CHURC1: variants seen among roughly 807,000 people sequenced by gnomAD.
The protein encoded by CHURC1 is protein Churchill.
A neutral mutation model predicts 15.4 loss-of-function variants in CHURC1; 12 were observed. The ratio of observed to expected loss-of-function variants is 0.78; its 90% CI spans 0.50 to 1.27. CHURC1 has a LOEUF of 1.27. Among genes scored for constraint, CHURC1 ranks in the 50% most tolerant of loss-of-function variants. The pLI is 0.00. For synonymous variants in CHURC1, 42 were observed against 47.5 expected, an observed-to-expected ratio of 0.88 and a Z score of 0.48; for missense variants, 132 against 137.8, an observed-to-expected ratio of 0.96 and a Z score of 0.21.
chr14:64,931,647 A>G (rs1006869484), intron 3 of CHURC1, among the ~76,000 whole-genome samples: 1 of 152,246 alleles, frequency 6.6e-6, no homozygotes, highest in African/African-American at 2.4e-5. Context: ...AAATGGATCA[A>G]ATTCCCAGAC....
Position 64,914,520 on chromosome 14 carries a change from G to A in CHURC1, c.25G>A (p.Glu9Lys), listed in dbSNP as rs753963999. Residue 9 changes from glutamate to lysine, a missense_variant, in exon 1 of 4, where the codon GAA (glutamate) becomes AAA (lysine). Transcript: ENST00000549115. ...GATGTGTGGCGACTGTGTGGAGAAG[G>A]AATATCCCAACCGGGTGAGCGACTG... Reference protein sequence around the residue: MCGDCVEKEYPNRGNTCLE... With the variant: MCGDCVEKKYPNRGNTCLE... 1 of 1,614,264 alleles carries A rather than the reference G, an allele frequency of 6.2e-7. No individual in the cohort carries two copies. Among genetic ancestry groups the A allele is most frequent in the Middle Eastern group, 1.6e-4 (1 of 6,062 alleles).
At chr14:64,927,777 T>C (rs1423366922) in intron 3 of CHURC1, among the ~76,000 whole-genome samples, 1 of 135,434 alleles carries the variant, frequency 7.4e-6, no homozygotes, top group Non-Finnish European at 1.5e-5. Context: ...TTTCTTAAAA[T>C]AATGTTTTCA....
intron 3 of CHURC1, among the ~76,000 whole-genome samples, chr14:64,928,694 T>G (rs1320436741): frequency 2.0e-5 from 3 of 151,960 alleles, no homozygotes; most frequent in African/African-American, 7.3e-5. Flanking sequence ...CTTAGTTCTT[T>G]TCTCTCTTAC....
intron 3 of CHURC1, among the ~76,000 whole-genome samples, chr14:64,927,477 G>A (rs1054338706): frequency 3.3e-5 from 5 of 152,094 alleles, no homozygotes; most frequent in Admixed American, 6.6e-5. Context: ...GCTCCTGAAC[G>A]GATATTGAGG....
In CHURC1 at chr14:64,934,986, G is replaced by C; in HGVS notation, c.*2756G>C. 4.1e-6 allele frequency: 4 copies of C among 984,368 alleles called. No individual in the cohort carries two copies. The highest frequency in any genetic ancestry group is 4.8e-6 in the Non-Finnish European group (4 of 829,042). The allele number at this position is 984,368 out of a possible 1,614,324, so 61.0% of individuals were successfully genotyped here. A position where few individuals can be genotyped will look rare whatever the true frequency, so the allele number is the denominator to read the frequency against. ...TATGTGGATCTAATAACGACCACTT[G>C]AACCCAGTTTCACAGAATCCTTATT... is the stretch of plus-strand genomic sequence containing the variant. On this transcript the variant is annotated 3_prime_UTR_variant, in exon 4 of 4. Coordinates refer to ENST00000549115, the MANE Select transcript of CHURC1 (RefSeq NM_001386928.1).
At chr14:64,928,850 C>T (rs539404763) in intron 3 of CHURC1, among the ~76,000 whole-genome samples, 4 of 152,220 alleles carry the variant, frequency 2.6e-5, no homozygotes, top group South Asian at 4.1e-4. Context: ...CCTGTTTTCT[C>T]GAAGTGATAC....
intron 3 of CHURC1, among the ~76,000 whole-genome samples, chr14:64,929,956 CA>C: frequency 6.6e-6 from 1 of 151,056 alleles, no homozygotes; most frequent in African/African-American, 2.4e-5. Flanking sequence ...CCCACACACA[CA>C]CCAAAATTGT....
chr14:64,929,568 CATTGTTGTTTTA>C (rs1884958998), intron 3 of CHURC1, among the ~76,000 whole-genome samples: 1 of 152,178 alleles, frequency 6.6e-6, no homozygotes, highest in Non-Finnish European at 1.5e-5. Context: ...TCCCAGCCAC[CATTGTTGTTTTA>C]TATTAAACAT....
chr14:64,928,759 C>T (rs1318806609), intron 3 of CHURC1, among the ~76,000 whole-genome samples: 1 of 152,138 alleles, frequency 6.6e-6, no homozygotes, highest in African/African-American at 2.4e-5. Flanking sequence ...AGCATTTCTG[C>T]CCTTGAGGTC....
At chr14:64,928,411 C>G (rs141080857) in intron 3 of CHURC1, among the ~76,000 whole-genome samples, 13 of 152,208 alleles carry the variant, frequency 8.5e-5, no homozygotes, top group African/African-American at 2.6e-4. Flanking sequence ...CTGTGCATGG[C>G]TATTTAAAAA....
Position 64,934,636 on chromosome 14 carries a change from C to A in CHURC1, c.*2406C>A, listed in dbSNP as rs1182640965. The A allele has an allele frequency of 6.1e-6, 6 of 985,374 alleles. No individual in the cohort carries two copies. Among genetic ancestry groups the A allele is most frequent in the Non-Finnish European group, 7.2e-6 (6 of 829,924 alleles). The allele number at this position is 985,374 out of a possible 1,614,324, so 61.0% of individuals were successfully genotyped here. On this transcript the variant is annotated 3_prime_UTR_variant, in exon 4 of 4. Transcript: ENST00000549115. ...ATTTTGCTGCAAATCTATATCTGACCTGCTGAGGAAATCGTTTGGTGAAAT... is the reference window on the plus strand; with the variant it reads ...ATTTTGCTGCAAATCTATATCTGACATGCTGAGGAAATCGTTTGGTGAAAT...
intron 1 of CHURC1, among the ~76,000 whole-genome samples, chr14:64,918,513 C>G (rs1337520991): frequency 1.3e-5 from 2 of 152,146 alleles, no homozygotes; most frequent in Non-Finnish European, 2.9e-5. Context: ...TTTGCAGAAG[C>G]TTAGCAAAGG....
intron 1 of CHURC1, among the ~76,000 whole-genome samples, chr14:64,918,238 C>T (rs1884025705): frequency 6.6e-6 from 1 of 152,172 alleles, no homozygotes; most frequent in East Asian, 1.9e-4. Context: ...AAGAATTAAA[C>T]TTTTCTTTGG....
intron 1 of CHURC1, among the ~76,000 whole-genome samples, chr14:64,916,022 A>G (rs1379985663): frequency 2.6e-5 from 4 of 152,212 alleles, no homozygotes; most frequent in African/African-American, 9.7e-5. Context: ...GGATGCCGCT[A>G]AACATCCAGC....
chr14:64,926,141 T>A, intron 3 of CHURC1, 61 bp downstream of exon 3: 1 of 1,180,172 alleles, frequency 8.5e-7, no homozygotes, highest in East Asian at 2.5e-5. Context: ...ATAAAAGTGC[T>A]CTTGAGAATC....
chr14:64,916,162 T>C (rs896797323), intron 1 of CHURC1, among the ~76,000 whole-genome samples: 10 of 152,120 alleles, frequency 6.6e-5, no homozygotes, highest in African/African-American at 2.2e-4. Flanking sequence ...TTACAAATAG[T>C]GTTGATGAAA....
intron 3 of CHURC1, among the ~76,000 whole-genome samples, chr14:64,930,545 A>G (rs1272539901): frequency 1.3e-5 from 2 of 152,224 alleles, no homozygotes; most frequent in Non-Finnish European, 2.9e-5. Context: ...TAAAGATTAC[A>G]GGTGTAATCA....
At chr14:64,923,787 CT>C (rs60825476) in intron 1 of CHURC1, among the ~76,000 whole-genome samples, 1,260 of 77,050 alleles carry the variant, frequency 0.016, 16 homozygotes, top group African/African-American at 0.041. Context: ...ACTTTAGTTG[CT>C]TTTTTTTTTT....
intron 3 of CHURC1, among the ~76,000 whole-genome samples, chr14:64,930,568 TAATA>T (rs1457860985): frequency 1.3e-5 from 2 of 152,224 alleles, no homozygotes; most frequent in African/African-American, 4.8e-5. Context: ...CTCACTGATT[TAATA>T]GTCTTGCCAG....
Sources: gnomAD v4.1 joint callset for allele counts (sites outside exome capture counted in the v4.1 genomes callset) on GRCh38, gnomAD v4.1.1 for gene constraint, MANE v1.5 for transcripts, NCBI Gene and HGNC (gene_info 2026-07-23, HGNC 2026-07-21) for gene names.